The following PLA2G4A variants were observed in gnomAD, a reference collection of about 807,000 sequenced individuals.
PLA2G4A encodes phospholipase A2 group IVA.
PLA2G4A carries 40 observed loss-of-function variants against 81.9 expected under a neutral mutation model. That is an observed-to-expected ratio of 0.49 (90% CI 0.38 to 0.64). The LOEUF (loss-of-function observed/expected upper bound fraction) is 0.64. Ranked by LOEUF, PLA2G4A falls within the 30% of genes least tolerant of loss-of-function variation. PLA2G4A has a pLI of 0.00. For synonymous variants in PLA2G4A, 302 were observed against 296.9 expected, an observed-to-expected ratio of 1.02 and a Z score of -0.18; for missense variants, 715 against 905.1, an observed-to-expected ratio of 0.79 and a Z score of 2.69.
chr1:186,856,393 CT>C (rs546355935), intron 2 of PLA2G4A, among the ~76,000 whole-genome samples: 6,604 of 134,764 alleles, frequency 0.049, 420 homozygotes, highest in African/African-American at 0.16. Context: ...TTAGTTGTTG[CT>C]TTTTTTTTTT....
chr1:186,870,392 A>T, intron 2 of PLA2G4A, 43 bp from the exon 3 acceptor site: 1 of 1,132,944 alleles, frequency 8.8e-7, no homozygotes, highest in Non-Finnish European at 1.3e-6. Context: ...ATGAGGTTCT[A>T]TGTTGGAAGC....
chr1:186,949,397 AAAG>A, intron 12 of PLA2G4A, among the ~76,000 whole-genome samples: 3 of 15,836 alleles, frequency 1.9e-4, no homozygotes, highest in Non-Finnish European at 2.9e-4. Context: ...GAAAAAAGAA[AAAG>A]AAAGAAGAAA....
chr1:186,961,534 C>CA (rs1656946730), intron 14 of PLA2G4A, among the ~76,000 whole-genome samples: 1 of 152,088 alleles, frequency 6.6e-6, no homozygotes, highest in African/African-American at 2.4e-5. Flanking sequence ...TACTTACCAT[C>CA]AATTTATCTT....
At chr1:186,865,765 A>T (rs1653003961) in intron 2 of PLA2G4A, among the ~76,000 whole-genome samples, 1 of 152,182 alleles carries the variant, frequency 6.6e-6, no homozygotes, top group Non-Finnish European at 1.5e-5. Flanking sequence ...CATCAAATTG[A>T]TTTGGTATAA....
intron 5 of PLA2G4A, among the ~76,000 whole-genome samples, chr1:186,899,191 A>T (rs1301437386): frequency 6.6e-6 from 1 of 152,208 alleles, no homozygotes; most frequent in Non-Finnish European, 1.5e-5. Context: ...TTTAGTTAAG[A>T]AAGGTATCTT....
At chr1:186,986,734 A>T (rs934811108) in intron 17 of PLA2G4A, among the ~76,000 whole-genome samples, 2 of 152,168 alleles carry the variant, frequency 1.3e-5, no homozygotes, top group Admixed American at 6.5e-5. Flanking sequence ...TCCCCACAAA[A>T]CCCCAAATTA....
At chr1:186,969,586 C>G (rs79876637) in intron 15 of PLA2G4A, among the ~76,000 whole-genome samples, 5,520 of 151,890 alleles carry the variant, frequency 0.036, 214 homozygotes, top group East Asian at 0.16. Context: ...CAGATGGTAA[C>G]CATCATTATA....
At chr1:186,949,391 A>G (rs1345623577) in intron 12 of PLA2G4A, among the ~76,000 whole-genome samples, 1 of 24,082 alleles carries the variant, frequency 4.2e-5, no homozygotes, top group Non-Finnish European at 6.5e-5. Flanking sequence ...AAGAAAGAAA[A>G]AAGAAAAAGA....
chr1:186,931,029 T>C (rs1485008401), intron 7 of PLA2G4A, among the ~76,000 whole-genome samples: 1 of 152,156 alleles, frequency 6.6e-6, no homozygotes, highest in African/African-American at 2.4e-5. Flanking sequence ...ATATCTAGCT[T>C]CCTTACAACT....
intron 1 of PLA2G4A, among the ~76,000 whole-genome samples, chr1:186,841,887 T>A (rs745774326): frequency 2.0e-5 from 3 of 152,146 alleles, no homozygotes; most frequent in Non-Finnish European, 2.9e-5. Context: ...GACGTTATCC[T>A]TGTGCTTCGT....
chr1:186,902,365 C>T (rs1201967380), intron 5 of PLA2G4A, among the ~76,000 whole-genome samples: 1 of 151,998 alleles, frequency 6.6e-6, no homozygotes, highest in African/African-American at 2.4e-5. Flanking sequence ...GACAAATGCT[C>T]CTTCTAACAA....
At chr1:186,969,617 A>G (rs1236835813) in intron 15 of PLA2G4A, among the ~76,000 whole-genome samples, 1 of 151,762 alleles carries the variant, frequency 6.6e-6, no homozygotes, top group African/African-American at 2.4e-5. Flanking sequence ...CCATTAATTC[A>G]ACTGTTTTTA....
rs775582107 is a variant in PLA2G4A, at chr1:186,891,424, TC to T, written c.116-1585del. 2.7e-3 allele frequency among the ~76,000 whole-genome samples: 417 copies of T among 152,168 alleles called. 3 individuals are homozygous for T. The highest frequency in any genetic ancestry group is 3.4e-3 in the Middle Eastern group (1 of 294). ...ATTTTTCTGTTGTGTTTTTTTTGTATCCATTAACCATCCCCACCTCCCCTCC... is the reference window on the plus strand; with the variant it reads ...ATTTTTCTGTTGTGTTTTTTTTGTATCATTAACCATCCCCACCTCCCCTCC... On this transcript the variant is annotated intron_variant, in intron 3 of 17. Transcript: ENST00000367466.
intron 16 of PLA2G4A, 36 bp from the exon 17 acceptor site, chr1:186,979,279 C>CA: frequency 6.4e-7 from 1 of 1,556,686 alleles, no homozygotes; most frequent in African/African-American, 1.4e-5. Flanking sequence ...TTGTAGTTTT[C>CA]AAAATAACAC....
At chr1:186,937,780 T>C (rs73049052) in intron 8 of PLA2G4A, among the ~76,000 whole-genome samples, 2,002 of 151,850 alleles carry the variant, frequency 0.013, 39 homozygotes, top group African/African-American at 0.044. Flanking sequence ...ATTCCAGTTC[T>C]GCTGTTATAA....
At chr1:186,872,395 A>C (rs1237646821) in intron 3 of PLA2G4A, among the ~76,000 whole-genome samples, 1 of 152,152 alleles carries the variant, frequency 6.6e-6, no homozygotes, top group African/African-American at 2.4e-5. Flanking sequence ...GTGTTGGAAA[A>C]GCCATTCTTA....
rs559248926 is a variant in PLA2G4A, at chr1:186,885,070, A to G, written c.116-7941A>G. ...TTGTCAACCTCAAAGGACTTGGGGT[A>G]TAAAGACTGGATTTTAGGACAAAAT... On this transcript the variant is annotated intron_variant, in intron 3 of 17. Transcript: ENST00000367466. Among the ~76,000 whole-genome samples, 5 of 152,220 alleles carry G rather than the reference A, an allele frequency of 3.3e-5. No individual in the cohort carries two copies. In the South Asian group the frequency reaches 1.0e-3, roughly 32 times the overall value.
chr1:186,863,539 A>G (rs1652894840), intron 2 of PLA2G4A, among the ~76,000 whole-genome samples: 1 of 152,116 alleles, frequency 6.6e-6, no homozygotes, highest in Non-Finnish European at 1.5e-5. Flanking sequence ...GCAGCATGTT[A>G]CTATTAACCA....
At chr1:186,847,547 T>G (rs1172528340) in intron 1 of PLA2G4A, among the ~76,000 whole-genome samples, 1 of 152,170 alleles carries the variant, frequency 6.6e-6, no homozygotes, top group African/African-American at 2.4e-5. Flanking sequence ...CCATAAGATT[T>G]AAGACATGCA....
Sources: gnomAD v4.1 joint callset for allele counts (sites outside exome capture counted in the v4.1 genomes callset) on GRCh38, gnomAD v4.1.1 for gene constraint, MANE v1.5 for transcripts, NCBI Gene and HGNC (gene_info 2026-07-23, HGNC 2026-07-21) for gene names.